CLSTN3: variants seen among roughly 807,000 people sequenced by gnomAD.
CLSTN3 encodes calsyntenin 3, also known as calsyntenin-3.
A neutral mutation model predicts 95.9 loss-of-function variants in CLSTN3; 36 were observed. That is an observed-to-expected ratio of 0.38 (90% CI 0.29 to 0.50). The LOEUF (loss-of-function observed/expected upper bound fraction) is 0.50, where lower values mean the gene tolerates loss of function less well. Among genes scored for constraint, CLSTN3 ranks in the 20% least tolerant of loss-of-function variants. The pLI, the probability that CLSTN3 is intolerant of heterozygous loss-of-function variation, is 0.95. For missense variants in CLSTN3, 1,084 were observed against 1,268.8 expected, an observed-to-expected ratio of 0.85 and a Z score of 2.21; for synonymous variants, 481 against 504.0, an observed-to-expected ratio of 0.95 and a Z score of 0.61.
intron 16 of CLSTN3, chr12:7,156,922 C>T (rs1464746498): frequency 4.5e-6 from 2 of 443,024 alleles, no homozygotes; most frequent in Admixed American, 2.4e-5. Context: ...GGAGTGAGCT[C>T]AGTCCAGGTG....
rs1277135855 is a variant in CLSTN3, at chr12:7,141,684, C to T, written c.1486+280C>T. Among the ~76,000 whole-genome samples, 3 of 152,312 alleles carry T rather than the reference C, an allele frequency of 2.0e-5. No individual in the cohort carries two copies. The highest frequency in any genetic ancestry group is 4.1e-4 in the South Asian group (2 of 4,824). On this transcript the variant is annotated intron_variant, in intron 9 of 17. Coordinates refer to ENST00000266546, the MANE Select transcript of CLSTN3 (RefSeq NM_014718.4). The surrounding 1 kb of genome is among the most constrained non-coding windows in gnomAD (Gnocchi z 4.1). ...CCAGCCAGTTTCCACTTTTTTCCAT[C>T]AAAGTGATGATGACTTCCATAGCCC... is the stretch of plus-strand genomic sequence containing the variant.
At position 7,143,008 on chromosome 12, in the gene CLSTN3, C is replaced by A. The variant is rs1175885969; in HGVS notation, c.1680C>A (p.Ser560Arg). The change falls in exon 11 of 18, where the codon AGC becomes AGA. Residue 560 changes from serine to arginine, a missense_variant. Transcript: ENST00000266546. ...GGCTGGACTATAGGGATTTCGAGAG[C>A]CTGGGCAAAGGCATGAAGGTATTGC... is the stretch of plus-strand genomic sequence containing the variant. ...REGLDYRDFE[S>R]LGKGMKVHVN... 2 of 1,613,822 alleles carry A rather than the reference C, an allele frequency of 1.2e-6. No individual in the cohort carries two copies. Among genetic ancestry groups the A allele is most frequent in the Non-Finnish European group, 8.5e-7 (1 of 1,179,888 alleles).
Position 7,133,002 on chromosome 12 carries a change from C to G in CLSTN3, c.65-22C>G. 6.2e-7 allele frequency: 1 copy of G among 1,612,638 alleles called. No individual in the cohort carries two copies. Among genetic ancestry groups the G allele is most frequent in the Non-Finnish European group, 8.5e-7 (1 of 1,179,338 alleles). Reference sequence around the variant, plus strand: ...GGCCCTGCTCACAGGTGCTTCCTCTCCTCTCCCTGGGGTGGGGCCAGCCAA... The same window carrying G: ...GGCCCTGCTCACAGGTGCTTCCTCTGCTCTCCCTGGGGTGGGGCCAGCCAA... On this transcript the variant is annotated intron_variant, in intron 1 of 17. Transcript: ENST00000266546. The surrounding 1 kb of genome is among the most constrained non-coding windows in gnomAD (Gnocchi z 4.7).
At position 7,138,052 on chromosome 12, in the gene CLSTN3, C is replaced by G. The variant is rs778662140; in HGVS notation, c.1308C>G (p.Leu436=). 1 of 1,613,642 alleles carries G rather than the reference C, an allele frequency of 6.2e-7. No individual in the cohort carries two copies. The highest frequency in any genetic ancestry group is 8.5e-7 in the Non-Finnish European group (1 of 1,179,738). ...LLESARPVKF[L]WKLEQVCDDE... ...AGAGTGCCCGCCCAGTCAAGTTCCT[C>G]TGGAAGCTGGAGCAGGTGAGGCAAG... The change falls in exon 8 of 18, where the codon CTC becomes CTG. Residue 436 remains leucine (L), a synonymous_variant. Coordinates refer to ENST00000266546, the MANE Select transcript of CLSTN3 (RefSeq NM_014718.4).
rs747817072 is a variant in CLSTN3, at chr12:7,143,272, C to T, written c.1808C>T (p.Thr603Met). 2.5e-6 allele frequency: 4 copies of T among 1,612,448 alleles called. No individual in the cohort carries two copies. In the South Asian group the frequency reaches 3.3e-5, roughly 13 times the overall value. Residue 603 changes from threonine (T) to methionine (M), a missense_variant, in exon 12 of 18, where the codon ACG (threonine) becomes ATG (methionine). Physicochemically the swap from Thr to Met is moderately conservative, Grantham distance 81 (BLOSUM62 -1). Coordinates refer to ENST00000266546, the MANE Select transcript of CLSTN3 (RefSeq NM_014718.4). ...VAYMNTLRFA[T>M]PGVRPLRLTT... The stretch of plus-strand genomic sequence containing the variant: ...TACATGAACACTCTGCGCTTTGCCA[C>T]GCCCGGCGTCAGGCCCCTGCGCCTC...
chr12:7,135,723 C>A, intron 4 of CLSTN3, 81 bp from the exon 5 acceptor site: 2 of 1,505,352 alleles, frequency 1.3e-6, no homozygotes, highest in Non-Finnish European at 1.8e-6. Flanking sequence ...GCCTGCTGCC[C>A]GATGATCTCA....
chr12:7,156,092 T>G, intron 16 of CLSTN3: 1 of 358,472 alleles, frequency 2.8e-6, no homozygotes, highest in Admixed American at 3.8e-5. Flanking sequence ...CTTGCTTGTG[T>G]GACTGCTGGT....
Position 7,141,514 on chromosome 12 carries a change from C to A in CLSTN3, c.1486+110C>A. 8.7e-7 allele frequency: 1 copy of A among 1,151,190 alleles called. No homozygotes were observed. Among genetic ancestry groups the A allele is most frequent in the Non-Finnish European group, 1.3e-6 (1 of 766,876 alleles). The allele number at this position is 1,151,190 out of a possible 1,614,324, so 71.3% of individuals were successfully genotyped here. A position where few individuals can be genotyped will look rare whatever the true frequency, so the allele number is the denominator to read the frequency against. ...AGCTGAGGCCGCCTCCTGCATCTCT[C>A]TGCAGCTGTGCAGGGTGACTCTGAA... is the stretch of plus-strand genomic sequence containing the variant. On this transcript the variant is annotated intron_variant, in intron 9 of 17. Coordinates refer to ENST00000266546, the MANE Select transcript of CLSTN3 (RefSeq NM_014718.4). The surrounding 1 kb of genome is among the most constrained non-coding windows in gnomAD (Gnocchi z 4.1).
Position 7,141,546 on chromosome 12 carries a change from C to T in CLSTN3, c.1486+142C>T. 8.0e-6 allele frequency: 7 copies of T among 871,042 alleles called. No homozygotes were observed. Among genetic ancestry groups the T allele is most frequent in the Non-Finnish European group, 1.1e-5 (6 of 537,500 alleles). 54.0% of individuals were successfully genotyped at this position (871,042 alleles called of 1,614,324 possible). ...TGTGCAGGGTGACTCTGAAGATCTC[C>T]ATGGGAAGGGACCACAGCCTCCCTC... On this transcript the variant is annotated intron_variant, in intron 9 of 17. Transcript: ENST00000266546. The surrounding 1 kb of genome is among the most constrained non-coding windows in gnomAD (Gnocchi z 4.1).
At chr12:7,131,967 C>T (rs2135792753) in intron 1 of CLSTN3, 1 of 452,662 alleles carries the variant, frequency 2.2e-6, no homozygotes, top group Non-Finnish European at 4.5e-6. Flanking sequence ...TTCCCTCTGC[C>T]TCATGATTGT....
intron 8 of CLSTN3, among the ~76,000 whole-genome samples, chr12:7,140,137 A>G (rs1019752344): frequency 2.6e-5 from 4 of 152,222 alleles, no homozygotes; most frequent in Non-Finnish European, 5.9e-5. Context: ...ACCTGGGATC[A>G]ACAGCACCTG....
rs1427428403 is a variant in CLSTN3 at position 7,141,328 on chromosome 12, T to G, written c.1410T>G (p.Pro470=). Residue 470 remains proline, a synonymous_variant, in exon 9 of 18, where the codon CCT becomes CCG. Transcript: ENST00000266546. The surrounding 1 kb of genome is among the most constrained non-coding windows in gnomAD (Gnocchi z 4.1). ...TLYTDGISFD[P]ALIHDNGLIH... is the part of the protein sequence containing the mutation. ...ATACCGACGGCATCTCCTTCGACCCTGCCCTCATCCATGACAATGGCCTCA... is the reference window on the plus strand; with the variant it reads ...ATACCGACGGCATCTCCTTCGACCCGGCCCTCATCCATGACAATGGCCTCA... 1 of 1,614,200 alleles carries G rather than the reference T, an allele frequency of 6.2e-7. No individual in the cohort carries two copies.
At chr12:7,151,962 G>C (rs1939730530) in intron 16 of CLSTN3, among the ~76,000 whole-genome samples, 1 of 151,528 alleles carries the variant, frequency 6.6e-6, no homozygotes, top group Non-Finnish European at 1.5e-5. Flanking sequence ...GCTGAGGTAG[G>C]AGGATCTCTT....
Position 7,133,725 on chromosome 12 carries a change from T to C in CLSTN3, c.340T>C (p.Cys114Arg), listed in dbSNP as rs1377224921. 6.2e-7 allele frequency: 1 copy of C among 1,605,266 alleles called. No individual in the cohort carries two copies. Among genetic ancestry groups the C allele is most frequent in the Non-Finnish European group, 8.5e-7 (1 of 1,176,876 alleles). The change falls in exon 3 of 18, where the codon TGT (cysteine) becomes CGT (arginine). Residue 114 changes from cysteine to arginine, a missense_variant. Coordinates refer to ENST00000266546, the MANE Select transcript of CLSTN3 (RefSeq NM_014718.4). This position sits in a 1 kb window ranked among gnomAD's most constrained non-coding sequence, Gnocchi z 4.7. Reference sequence around the variant, plus strand: ...CACCTTCACCATCCAGGCCTATGACTGTGGCGAGGGCCCCGACGGGGCCAA... The same window carrying C: ...CACCTTCACCATCCAGGCCTATGACCGTGGCGAGGGCCCCGACGGGGCCAA... ...EHTFTIQAYD[C>R]GEGPDGANTK...
At chr12:7,142,227 G>T in intron 10 of CLSTN3, 88 bp downstream of exon 10, 2 of 1,114,414 alleles carry the variant, frequency 1.8e-6, no homozygotes, top group Non-Finnish European at 1.3e-6. Context: ...ATCCTATCCA[G>T]CCTGTGACAG....
At position 7,137,381 on chromosome 12, in the gene CLSTN3, G is replaced by A. The variant is rs528017630; in HGVS notation, c.1210+271G>A. 99 of 446,870 alleles carry A rather than the reference G, an allele frequency of 2.2e-4. No individual in the cohort carries two copies. Among genetic ancestry groups the A allele is most frequent in the Non-Finnish European group, 3.2e-4 (78 of 243,994 alleles). 27.7% of individuals were successfully genotyped at this position (446,870 alleles called of 1,614,324 possible). On this transcript the variant is annotated intron_variant, in intron 7 of 17. Transcript: ENST00000266546. This position sits in a 1 kb window ranked among gnomAD's most constrained non-coding sequence, Gnocchi z 4.4. ...TCTGTGTCCCACCATGTGGTAGGCT[G>A]TCCCCACCCCCCATCTCCACCTCCA... is the stretch of plus-strand genomic sequence containing the variant.
Position 7,133,606 on chromosome 12 carries a change from G to C in CLSTN3, c.221G>C (p.Gly74Ala). ...TGCGGCTTCCGGCTCCATGGGTCTG[G>C]GGTGCCCTTTGAGGCTGTGATCCTT... ...EICGFRLHGSGVPFEAVILDK... is the reference protein window; with the variant it reads ...EICGFRLHGSAVPFEAVILDK... The change falls in exon 3 of 18, where the codon GGG becomes GCG. Residue 74 changes from glycine to alanine, a missense_variant. By Grantham distance (60) the Gly-to-Ala change is moderately conservative. Transcript: ENST00000266546. This position sits in a 1 kb window ranked among gnomAD's most constrained non-coding sequence, Gnocchi z 4.7. 6.2e-7 allele frequency: 1 copy of C among 1,614,120 alleles called. No individual in the cohort carries two copies. The highest frequency in any genetic ancestry group is 8.5e-7 in the Non-Finnish European group (1 of 1,180,014).
chr12:7,145,735 G>C (rs1198658520), intron 12 of CLSTN3, among the ~76,000 whole-genome samples: 1 of 152,020 alleles, frequency 6.6e-6, no homozygotes, highest in Non-Finnish European at 1.5e-5. Context: ...TCAACCGAAA[G>C]AGCTAATGCT....
At chr12:7,145,027 G>T (rs1009350682) in intron 12 of CLSTN3, among the ~76,000 whole-genome samples, 3 of 152,144 alleles carry the variant, frequency 2.0e-5, no homozygotes, top group Non-Finnish European at 4.4e-5. Context: ...GCATTGCCTC[G>T]TCCCCTCCAG....
Sources: allele counts gnomAD v4.1 joint callset (sites outside exome capture counted in the v4.1 genomes callset), GRCh38; gene constraint gnomAD v4.1.1; non-coding constraint Gnocchi (gnomAD v3.1); transcripts MANE v1.5; gene names NCBI Gene and HGNC (gene_info 2026-07-23, HGNC 2026-07-21).